SHISA6: variants seen among roughly 807,000 people sequenced by gnomAD.
SHISA6 encodes shisa family member 6.
In SHISA6, 22 loss-of-function variants were observed where a neutral mutation model predicts 47.9. The ratio of observed to expected loss-of-function variants is 0.46; its 90% CI spans 0.33 to 0.66. The LOEUF (loss-of-function observed/expected upper bound fraction) is 0.66. Among genes scored for constraint, SHISA6 ranks in the 30% least tolerant of loss-of-function variants. The pLI is 0.02. For synonymous variants in SHISA6, 388 were observed against 337.8 expected (o/e 1.15, Z -1.63); for missense variants, 680 against 764.6 (o/e 0.89, Z 1.30).
chr17:11,269,320 G>T (rs773427297), intron 2 of SHISA6, among the ~76,000 whole-genome samples: 1 of 152,186 alleles, frequency 6.6e-6, no homozygotes, highest in East Asian at 1.9e-4. Context: ...GATTACAGGC[G>T]TGAACCACTG....
At chr17:11,519,506 G>A (rs1409249556) in intron 3 of SHISA6, among the ~76,000 whole-genome samples, 1 of 152,156 alleles carries the variant, frequency 6.6e-6, no homozygotes, top group African/African-American at 2.4e-5. Flanking sequence ...GGAATGAAGA[G>A]TTGTTGTTTA....
intron 2 of SHISA6, among the ~76,000 whole-genome samples, chr17:11,349,611 G>A (rs1386785830): frequency 6.6e-6 from 1 of 152,164 alleles, no homozygotes; most frequent in East Asian, 1.9e-4. Flanking sequence ...CCACAGTTGG[G>A]GATGGGGGAC....
intron 3 of SHISA6, among the ~76,000 whole-genome samples, chr17:11,534,125 G>A (rs552679692): frequency 7.8e-4 from 116 of 148,010 alleles, no homozygotes; most frequent in African/African-American, 2.5e-3. Flanking sequence ...GATTACAGGC[G>A]CCTGCCACCA....
chr17:11,526,650 A>G (rs1414529604), intron 3 of SHISA6, among the ~76,000 whole-genome samples: 4 of 152,046 alleles, frequency 2.6e-5, no homozygotes, highest in Non-Finnish European at 5.9e-5. Flanking sequence ...TTAGAACCCA[A>G]TGATAGTTCC....
chr17:11,449,503 A>ATGAGC (rs540951114), intron 3 of SHISA6, among the ~76,000 whole-genome samples: 199 of 152,298 alleles, frequency 1.3e-3, no homozygotes, highest in Non-Finnish European at 2.6e-3. Flanking sequence ...ACTTAGAGAG[A>ATGAGC]TGAGCGAGAC....
Position 11,563,818 on chromosome 17 carries a change from C to T in SHISA6, c.*5514C>T, listed in dbSNP as rs554163378. 6.6e-6 allele frequency: 1 copy of T among 152,300 alleles called. No homozygotes were observed. Among genetic ancestry groups the T allele is most frequent in the African/African-American group, 2.4e-5 (1 of 41,560 alleles). 9.4% of individuals were successfully genotyped at this position (152,300 alleles called of 1,614,324 possible). A position where few individuals can be genotyped will look rare whatever the true frequency, so the allele number is the denominator to read the frequency against. ...ATTCCATGTTTATTATATGGTAGTACTGATGAAAAGTACCTTTCTATCTGT... is the reference window on the plus strand; with the variant it reads ...ATTCCATGTTTATTATATGGTAGTATTGATGAAAAGTACCTTTCTATCTGT... On this transcript the variant is annotated 3_prime_UTR_variant, in exon 6 of 6. Coordinates refer to ENST00000441885, the MANE Select transcript of SHISA6 (RefSeq NM_207386.4).
intron 3 of SHISA6, among the ~76,000 whole-genome samples, chr17:11,507,776 C>G (rs552792938): frequency 6.6e-6 from 1 of 152,320 alleles, no homozygotes; most frequent in South Asian, 2.1e-4. Flanking sequence ...AAGTATCTCT[C>G]TCCTTTAAAA....
chr17:11,316,413 CTCTCTCTT>C (rs765387416), intron 2 of SHISA6, among the ~76,000 whole-genome samples: 15,575 of 85,280 alleles, frequency 0.18, 593 homozygotes, highest in African/African-American at 0.21. Context: ...CTCTCTCTCT[CTCTCTCTT>C]TTTTTTTTTT....
intron 2 of SHISA6, among the ~76,000 whole-genome samples, chr17:11,314,264 G>A (rs142481777): frequency 6.6e-6 from 1 of 152,032 alleles, no homozygotes; most frequent in African/African-American, 2.4e-5. Context: ...CATGAAGTTG[G>A]GTTTGTTCAT....
At chr17:11,242,130 C>A in intron 1 of SHISA6, 70 bp downstream of exon 1, 2 of 1,533,906 alleles carry the variant, frequency 1.3e-6, no homozygotes, top group Non-Finnish European at 1.8e-6. Flanking sequence ...TTCCCCTGTC[C>A]TCTTCACTCT....
At chr17:11,350,182 A>ATTTATTTATTTT (rs964679787) in intron 2 of SHISA6, among the ~76,000 whole-genome samples, 18 of 116,268 alleles carry the variant, frequency 1.5e-4, no homozygotes, top group African/African-American at 6.0e-4. Context: ...TTATTTATTT[A>ATTTATTTATTTT]TTTTTTTTTT....
chr17:11,263,798 AG>A (rs1216723054), intron 2 of SHISA6, among the ~76,000 whole-genome samples: 2 of 152,150 alleles, frequency 1.3e-5, no homozygotes, highest in African/African-American at 4.8e-5. Flanking sequence ...TTACCGGAAA[AG>A]GAGCTTGCAG....
At chr17:11,345,750 A>G (rs1340923454) in intron 2 of SHISA6, among the ~76,000 whole-genome samples, 2 of 151,950 alleles carry the variant, frequency 1.3e-5, no homozygotes, top group African/African-American at 4.8e-5. Context: ...TATTAATTTC[A>G]TTTTCAGTTT....
intron 3 of SHISA6, among the ~76,000 whole-genome samples, chr17:11,469,628 G>A (rs2969233): frequency 0.47 from 71,396 of 151,960 alleles, 18,817 homozygotes; most frequent in African/African-American, 0.72. Context: ...AATGAGCCTC[G>A]TGGGAGGTGT....
intron 2 of SHISA6, among the ~76,000 whole-genome samples, chr17:11,342,520 C>G (rs1055327189): frequency 6.6e-6 from 1 of 152,174 alleles, no homozygotes; most frequent in Non-Finnish European, 1.5e-5. Context: ...AAAAACACAT[C>G]TTATGATAAA....
At position 11,337,578 on chromosome 17, in the gene SHISA6, C is replaced by T. The variant is rs185600468; in HGVS notation, c.800-41836C>T. 5.3e-4 allele frequency among the ~76,000 whole-genome samples: 81 copies of T among 152,336 alleles called. 1 individual carries two copies. The highest frequency in any genetic ancestry group is 3.4e-3 in the Middle Eastern group (1 of 294). The stretch of plus-strand genomic sequence containing the variant: ...GAGTTCTTGGAAAGTGGGGCTTCTT[C>T]ATGTAAGCACAAAAAGGCAGGGACT... On this transcript the variant is annotated intron_variant, in intron 2 of 5. Coordinates refer to ENST00000441885, the MANE Select transcript of SHISA6 (RefSeq NM_207386.4).
intron 2 of SHISA6, among the ~76,000 whole-genome samples, chr17:11,333,826 T>C (rs1911219489): frequency 6.6e-6 from 1 of 152,112 alleles, no homozygotes; most frequent in African/African-American, 2.4e-5. Flanking sequence ...CCTGAGGTCA[T>C]GAAAACTCTA....
chr17:11,504,680 G>A (rs2071483377), intron 3 of SHISA6, among the ~76,000 whole-genome samples: 1 of 152,154 alleles, frequency 6.6e-6, no homozygotes, highest in African/African-American at 2.4e-5. Flanking sequence ...ACAGTGAGCT[G>A]GAACATCAGG....
chr17:11,396,006 A>G (rs1913559277), intron 3 of SHISA6, among the ~76,000 whole-genome samples: 2 of 152,240 alleles, frequency 1.3e-5, no homozygotes, highest in Admixed American at 1.3e-4. Context: ...CAGAGATGCT[A>G]GATAGATAGA....
Sources: allele counts gnomAD v4.1 joint callset (sites outside exome capture counted in the v4.1 genomes callset), GRCh38; gene constraint gnomAD v4.1.1; transcripts MANE v1.5; gene names NCBI Gene and HGNC (gene_info 2026-07-23, HGNC 2026-07-21).